Variants in STPG2 observed in about 807,000 individuals in gnomAD.
The protein encoded by STPG2 is sperm tail PG-rich repeat containing 2.
In STPG2, 56 loss-of-function variants were observed where a neutral mutation model predicts 54.2. That is an observed-to-expected ratio of 1.03 (90% CI 0.83 to 1.29). STPG2 has a LOEUF of 1.29. Among genes scored for constraint, STPG2 ranks in the 50% most tolerant of loss-of-function variants. The pLI, the probability that STPG2 is intolerant of heterozygous loss-of-function variation, is 0.00. For synonymous variants in STPG2, 200 were observed against 181.8 expected (o/e 1.10, Z -0.81); for missense variants, 596 against 544.9 (o/e 1.09, Z -0.93).
At chr4:97,770,698 T>C (rs906832245) in intron 9 of STPG2, among the ~76,000 whole-genome samples, 25 of 152,158 alleles carry the variant, frequency 1.6e-4, no homozygotes, top group African/African-American at 6.0e-4. Context: ...TGGATGTATT[T>C]TGAAGATAGA....
intron 10 of STPG2, among the ~76,000 whole-genome samples, chr4:97,686,188 T>G (rs1429807586): frequency 6.6e-6 from 1 of 152,182 alleles, no homozygotes; most frequent in East Asian, 1.9e-4. Context: ...TAAAGTTTTC[T>G]TCTCCTTTCA....
intron 8 of STPG2, among the ~76,000 whole-genome samples, chr4:97,919,807 T>A (rs1343620539): frequency 6.6e-6 from 1 of 152,168 alleles, no homozygotes; most frequent in East Asian, 1.9e-4. Context: ...TACTCTTTTT[T>A]AAGAACCCAG....
rs1738147403 is a variant in STPG2, at chr4:98,075,832, C to G, written c.612+30121G>C. ...TGGAGATTAAGAAAAGTACTCTATC[C>G]TGCATAATATCACATAAAGTTATAT... On this transcript the variant is annotated intron_variant, in intron 5 of 10. Transcript: ENST00000295268. Among the ~76,000 whole-genome samples, 3 of 152,160 alleles carry G rather than the reference C, an allele frequency of 2.0e-5. No individual in the cohort carries two copies. The South Asian group carries it at 6.2e-4, about 31-fold the overall frequency.
At chr4:97,960,766 A>C (rs1035095194) in intron 7 of STPG2, among the ~76,000 whole-genome samples, 22 of 152,188 alleles carry the variant, frequency 1.4e-4, no homozygotes, top group Admixed American at 7.9e-4. Flanking sequence ...GAAAATGACC[A>C]TATTGCCAAA....
intron 9 of STPG2, among the ~76,000 whole-genome samples, chr4:97,755,273 T>C (rs1217783675): frequency 6.6e-6 from 1 of 152,160 alleles, no homozygotes; most frequent in Non-Finnish European, 1.5e-5. Flanking sequence ...CCACTAACAA[T>C]ATACTTGTAA....
intron 10 of STPG2, among the ~76,000 whole-genome samples, chr4:97,695,165 AT>A (rs1254940163): frequency 1.3e-5 from 2 of 152,088 alleles, no homozygotes; most frequent in African/African-American, 4.8e-5. Flanking sequence ...TGGGTTTCAT[AT>A]CTGGGATGCA....
chr4:97,916,788 C>T (rs1731895510), intron 8 of STPG2: 1 of 153,044 alleles, frequency 6.5e-6, no homozygotes, highest in African/African-American at 2.4e-5. Context: ...CCCTCTGCAT[C>T]ACCAGGTTGC....
intron 5 of STPG2, among the ~76,000 whole-genome samples, chr4:98,082,326 G>C (rs1084778): frequency 0.86 from 130,415 of 151,496 alleles, 56,220 homozygotes; most frequent in Middle Eastern, 0.97. Context: ...TATGAGAAAA[G>C]TACTGCCACA....
At chr4:97,720,507 C>T (rs1347626839) in intron 9 of STPG2, among the ~76,000 whole-genome samples, 1 of 151,942 alleles carries the variant, frequency 6.6e-6, no homozygotes, top group Admixed American at 6.6e-5. Context: ...CCAAAACCAT[C>T]AAATTTGCCA....
At chr4:97,572,149 C>T (rs1303000247) in intron 10 of STPG2, among the ~76,000 whole-genome samples, 1 of 152,158 alleles carries the variant, frequency 6.6e-6, no homozygotes, top group Non-Finnish European at 1.5e-5. Context: ...TGCTTGTTTA[C>T]ACAATCACTT....
At chr4:97,794,778 T>G (rs1727112759) in intron 9 of STPG2, among the ~76,000 whole-genome samples, 1 of 152,176 alleles carries the variant, frequency 6.6e-6, no homozygotes, top group South Asian at 2.1e-4. Context: ...AGAACAATAG[T>G]GCAGTTTTTC....
chr4:97,790,781 C>G, intron 9 of STPG2, among the ~76,000 whole-genome samples: 1 of 152,134 alleles, frequency 6.6e-6, no homozygotes, highest in Non-Finnish European at 1.5e-5. Context: ...TTGGGCCCAC[C>G]TGAATAGTCC....
At chr4:97,451,263 C>T (rs1049936576) in intron 4 of STPG2, among the ~76,000 whole-genome samples, 3 of 152,114 alleles carry the variant, frequency 2.0e-5, no homozygotes, top group African/African-American at 7.2e-5. Context: ...TTCAGTACTA[C>T]TGAAAAGTGG....
chr4:98,043,695 TC>T (rs1737034793), intron 5 of STPG2, among the ~76,000 whole-genome samples: 1 of 152,116 alleles, frequency 6.6e-6, no homozygotes, highest in South Asian at 2.1e-4. Flanking sequence ...AATACTTTCA[TC>T]TTTTTTCTTT....
intron 10 of STPG2, among the ~76,000 whole-genome samples, chr4:97,628,024 C>T (rs565863080): frequency 6.6e-6 from 1 of 152,264 alleles, no homozygotes; most frequent in Admixed American, 6.5e-5. Context: ...AACTGCTTTA[C>T]TCAGACCACA....
At chr4:97,663,905 CT>C (rs1722448056) in intron 10 of STPG2, among the ~76,000 whole-genome samples, 1 of 152,072 alleles carries the variant, frequency 6.6e-6, no homozygotes, top group Admixed American at 6.6e-5. Context: ...TATGTTAATA[CT>C]TAGTTTAAAT....
chr4:97,684,467 C>T (rs1350740575), intron 10 of STPG2, among the ~76,000 whole-genome samples: 1 of 151,880 alleles, frequency 6.6e-6, no homozygotes, highest in Non-Finnish European at 1.5e-5. Context: ...AGGGAGAAAA[C>T]ATTTCAGTGG....
At chr4:98,017,983 G>A (rs10031751) in intron 5 of STPG2, among the ~76,000 whole-genome samples, 59,980 of 151,916 alleles carry the variant, frequency 0.39, 12,072 homozygotes, top group Middle Eastern at 0.46. Flanking sequence ...GTGGGACTGT[G>A]AGTCAGTTAA....
chr4:97,580,513 T>C (rs1017799628), intron 10 of STPG2, among the ~76,000 whole-genome samples: 4 of 151,782 alleles, frequency 2.6e-5, no homozygotes, highest in African/African-American at 7.3e-5. Flanking sequence ...ATGGTAAACA[T>C]TTCACCCTCT....
Sources: allele counts gnomAD v4.1 joint callset (sites outside exome capture counted in the v4.1 genomes callset), GRCh38; gene constraint gnomAD v4.1.1; transcripts MANE v1.5; gene names NCBI Gene and HGNC (gene_info 2026-07-23, HGNC 2026-07-21).